MTHFD2L: variants seen among roughly 807,000 people sequenced by gnomAD.
MTHFD2L encodes the protein bifunctional methylenetetrahydrofolate dehydrogenase/cyclohydrolase 2, mitochondrial.
A neutral mutation model predicts 34.9 loss-of-function variants in MTHFD2L; 29 were observed. That is an observed-to-expected ratio of 0.83 (90% CI 0.62 to 1.13). The LOEUF (loss-of-function observed/expected upper bound fraction) is 1.13, where lower values mean the gene tolerates loss of function less well. MTHFD2L is among the 50% of genes most tolerant of loss of function. The pLI, the probability that MTHFD2L is intolerant of heterozygous loss-of-function variation, is 0.00. For missense variants in MTHFD2L, 481 were observed against 446.5 expected (o/e 1.08, Z -0.70); for synonymous variants, 167 against 155.7 (o/e 1.07, Z -0.54).
chr4:74,168,979 G>A (rs1727335262), intron 1 of MTHFD2L, among the ~76,000 whole-genome samples: 2 of 152,186 alleles, frequency 1.3e-5, no homozygotes, highest in African/African-American at 4.8e-5. Context: ...CTCTCTCATT[G>A]GACCTGCATT....
intron 1 of MTHFD2L, among the ~76,000 whole-genome samples, chr4:74,167,353 T>TA (rs2109925665): frequency 6.6e-6 from 1 of 152,316 alleles, no homozygotes; most frequent in South Asian, 2.1e-4. Flanking sequence ...CTTCAAGCGA[T>TA]AGACAGCAAT....
chr4:74,149,461 G>T (rs778503794), intron 1 of MTHFD2L, among the ~76,000 whole-genome samples: 2 of 146,898 alleles, frequency 1.4e-5, no homozygotes, highest in Non-Finnish European at 1.6e-5. Context: ...TTGGAAACAC[G>T]GAGTAAAAGG....
intron 6 of MTHFD2L, among the ~76,000 whole-genome samples, chr4:74,259,993 G>A (rs1381166547): frequency 6.6e-6 from 1 of 152,156 alleles, no homozygotes; most frequent in African/African-American, 2.4e-5. Flanking sequence ...AGAGGAGTAT[G>A]ATGAGCCTTG....
intron 6 of MTHFD2L, among the ~76,000 whole-genome samples, chr4:74,278,742 A>G (rs752714256): frequency 7.2e-5 from 11 of 152,116 alleles, no homozygotes; most frequent in Non-Finnish European, 1.3e-4. Context: ...GATAAGAAGC[A>G]CACAAGACCT....
chr4:74,283,430 C>T (rs1747748255), intron 7 of MTHFD2L, among the ~76,000 whole-genome samples: 1 of 151,968 alleles, frequency 6.6e-6, no homozygotes, highest in Non-Finnish European at 1.5e-5. Flanking sequence ...AATTGTAGTT[C>T]TGTGTATCTA....
At chr4:74,232,552 A>G (rs1740237112) in intron 6 of MTHFD2L, among the ~76,000 whole-genome samples, 1 of 152,070 alleles carries the variant, frequency 6.6e-6, no homozygotes, top group African/African-American at 2.4e-5. Context: ...GAGCTTTGTC[A>G]ATACCTGAGA....
intron 1 of MTHFD2L, among the ~76,000 whole-genome samples, chr4:74,143,934 G>A (rs1702618111): frequency 6.6e-6 from 1 of 152,152 alleles, no homozygotes; most frequent in Non-Finnish European, 1.5e-5. Context: ...CTAGAATTTT[G>A]TTTTTGAGTA....
intron 7 of MTHFD2L, among the ~76,000 whole-genome samples, chr4:74,290,260 T>C (rs1439607045): frequency 6.6e-6 from 1 of 152,210 alleles, no homozygotes; most frequent in Non-Finnish European, 1.5e-5. Context: ...TCAGTATCAT[T>C]ATCCTAAGAA....
chr4:74,232,359 G>A (rs1740198233), intron 6 of MTHFD2L, among the ~76,000 whole-genome samples: 1 of 152,116 alleles, frequency 6.6e-6, no homozygotes, highest in African/African-American at 2.4e-5. Context: ...TTTGAGAGGG[G>A]AGATAGGGAA....
At chr4:74,291,515 A>G (rs917103076) in intron 7 of MTHFD2L, among the ~76,000 whole-genome samples, 2 of 152,194 alleles carry the variant, frequency 1.3e-5, no homozygotes, top group African/African-American at 4.8e-5. Flanking sequence ...AACAACACAT[A>G]TTCATTAATG....
At chr4:74,300,999 C>A (rs1359057755) in intron 7 of MTHFD2L, among the ~76,000 whole-genome samples, 1 of 152,064 alleles carries the variant, frequency 6.6e-6, no homozygotes, top group Non-Finnish European at 1.5e-5. Context: ...TACTCAGCAT[C>A]TTGAGAAGTA....
intron 6 of MTHFD2L, among the ~76,000 whole-genome samples, chr4:74,264,350 C>G (rs963984260): frequency 6.6e-6 from 1 of 151,898 alleles, no homozygotes; most frequent in Non-Finnish European, 1.5e-5. Context: ...AGCAAGCTTA[C>G]AGAATATATG....
intron 1 of MTHFD2L, among the ~76,000 whole-genome samples, chr4:74,130,765 G>A (rs1030162024): frequency 3.9e-5 from 6 of 151,994 alleles, no homozygotes; most frequent in Admixed American, 2.0e-4. Context: ...AGAAATAAAG[G>A]GTATTCAAAT....
intron 6 of MTHFD2L, among the ~76,000 whole-genome samples, chr4:74,260,595 T>C (rs1419900835): frequency 6.6e-6 from 1 of 152,114 alleles, no homozygotes; most frequent in Non-Finnish European, 1.5e-5. Context: ...TTCAAGATCA[T>C]TTCTATTGAG....
intron 1 of MTHFD2L, among the ~76,000 whole-genome samples, chr4:74,137,859 C>T (rs1377950470): frequency 1.3e-5 from 2 of 151,808 alleles, no homozygotes; most frequent in African/African-American, 4.8e-5. Context: ...CAAGCACAGA[C>T]AAACAAATAT....
intron 6 of MTHFD2L, among the ~76,000 whole-genome samples, chr4:74,270,967 TTC>T (rs1278147716): frequency 6.6e-6 from 1 of 152,210 alleles, no homozygotes; most frequent in Non-Finnish European, 1.5e-5. Flanking sequence ...CATAAATGTC[TTC>T]TTTTGAGAAG....
intron 6 of MTHFD2L, among the ~76,000 whole-genome samples, chr4:74,265,460 A>T (rs947261755): frequency 7.2e-5 from 11 of 152,158 alleles, no homozygotes; most frequent in African/African-American, 2.4e-4. Context: ...CTCAGTGTGG[A>T]TTGGCTATGA....
chr4:74,124,350 T>A (rs979375561), upstream of MTHFD2L, among the ~76,000 whole-genome samples: 1 of 151,908 alleles, frequency 6.6e-6, no homozygotes, highest in South Asian at 2.1e-4. Flanking sequence ...AGGTGATATA[T>A]CTGTTGATAA....
intron 6 of MTHFD2L, among the ~76,000 whole-genome samples, chr4:74,245,844 A>G (rs1742358165): frequency 6.6e-6 from 1 of 151,522 alleles, no homozygotes; most frequent in Admixed American, 6.6e-5. Flanking sequence ...TCCATGGTGT[A>G]TATGTGCCAC....
Sources: allele counts gnomAD v4.1 joint callset (sites outside exome capture counted in the v4.1 genomes callset), GRCh38; gene constraint gnomAD v4.1.1; transcripts MANE v1.5; gene names NCBI Gene and HGNC (gene_info 2026-07-23, HGNC 2026-07-21).